CSMD3: variants seen among roughly 807,000 people sequenced by gnomAD.
CSMD3 encodes the protein CUB and Sushi multiple domains 3, also known as CUB and sushi domain-containing protein 3.
Under a neutral mutation model 435.2 loss-of-function variants are expected in CSMD3, and 177 were observed. That is an observed-to-expected ratio of 0.41 (90% CI 0.36 to 0.46). The LOEUF is 0.46. Among genes scored for constraint, CSMD3 ranks in the 20% least tolerant of loss-of-function variants. The pLI, the probability that CSMD3 is intolerant of heterozygous loss-of-function variation, is 0.34. For missense variants in CSMD3, 4,265 were observed against 4,504.6 expected (o/e 0.95, Z 1.52); for synonymous variants, 1,656 against 1,520.5 (o/e 1.09, Z -2.07).
intron 13 of CSMD3, among the ~76,000 whole-genome samples, chr8:112,702,110 C>A (rs1428508147): frequency 1.3e-5 from 2 of 152,096 alleles, no homozygotes; most frequent in Non-Finnish European, 2.9e-5. Flanking sequence ...TCCCAAGTGT[C>A]TAAACACTTA....
At chr8:113,131,834 CA>C (rs1444037185) in intron 4 of CSMD3, among the ~76,000 whole-genome samples, 1 of 152,210 alleles carries the variant, frequency 6.6e-6, no homozygotes, top group Non-Finnish European at 1.5e-5. Context: ...TGAAGAGCCA[CA>C]GGGGCAGAAC....
rs2129844709 is a variant in CSMD3 at position 112,396,872 on chromosome 8, G to A, written c.5810-6084C>T. Reference sequence around the variant, plus strand: ...GGGTGGCAGAAAATTATTTTAGATAGGATGGCCAAGAAAAATAGGAGACTT... The same window carrying A: ...GGGTGGCAGAAAATTATTTTAGATAAGATGGCCAAGAAAAATAGGAGACTT... On this transcript the variant is annotated intron_variant, in intron 35 of 70. Coordinates refer to ENST00000297405, the MANE Select transcript of CSMD3 (RefSeq NM_198123.2). 1.3e-5 allele frequency among the ~76,000 whole-genome samples: 2 copies of A among 152,226 alleles called. 1 individual carries two copies. Among genetic ancestry groups the A allele is most frequent in the South Asian group, 4.1e-4 (2 of 4,826 alleles).
intron 3 of CSMD3, among the ~76,000 whole-genome samples, chr8:113,180,203 G>C (rs1257166523): frequency 2.6e-5 from 4 of 151,902 alleles, no homozygotes; most frequent in African/African-American, 9.7e-5. Flanking sequence ...ATAACATCAA[G>C]CTGAAACAAA....
At chr8:112,693,069 G>T (rs1021463692) in intron 13 of CSMD3, among the ~76,000 whole-genome samples, 4 of 151,874 alleles carry the variant, frequency 2.6e-5, no homozygotes, top group Non-Finnish European at 4.4e-5. Flanking sequence ...AACAAGGGGG[G>T]ACTACTGTAT....
chr8:112,558,097 G>A (rs1402161818), intron 24 of CSMD3, among the ~76,000 whole-genome samples: 1 of 151,816 alleles, frequency 6.6e-6, no homozygotes, highest in African/African-American at 2.4e-5. Flanking sequence ...CATGCTGAGT[G>A]CTTTGAATGA....
intron 10 of CSMD3, among the ~76,000 whole-genome samples, chr8:112,883,518 T>G (rs764756634): frequency 7.2e-5 from 11 of 151,996 alleles, no homozygotes; most frequent in Non-Finnish European, 1.3e-4. Flanking sequence ...TACCAACTTA[T>G]TAATTTTATT....
intron 11 of CSMD3, among the ~76,000 whole-genome samples, chr8:112,836,462 C>G (rs2080027039): frequency 6.6e-6 from 1 of 151,800 alleles, no homozygotes; most frequent in African/African-American, 2.4e-5. Flanking sequence ...ACTCTATGCC[C>G]CATTCCATTT....
chr8:112,815,996 C>T (rs778159685), intron 12 of CSMD3, among the ~76,000 whole-genome samples: 9 of 152,056 alleles, frequency 5.9e-5, no homozygotes, highest in Admixed American at 1.3e-4. Context: ...GATGAGAAAA[C>T]TGCTCCCATC....
intron 23 of CSMD3, 85 bp downstream of exon 23, chr8:112,586,981 T>C: frequency 1.1e-6 from 1 of 880,222 alleles, no homozygotes. Context: ...CATACACATA[T>C]ATATATAGAT....
intron 13 of CSMD3, among the ~76,000 whole-genome samples, chr8:112,770,686 T>C (rs1486037105): frequency 6.6e-6 from 1 of 152,004 alleles, no homozygotes; most frequent in Non-Finnish European, 1.5e-5. Flanking sequence ...AGGATCATAA[T>C]GAAAACTAAA....
At chr8:112,965,764 T>C (rs2084393854) in intron 7 of CSMD3, among the ~76,000 whole-genome samples, 1 of 151,938 alleles carries the variant, frequency 6.6e-6, no homozygotes, top group Non-Finnish European at 1.5e-5. Flanking sequence ...TTATTTTTTC[T>C]CTTCTTTCTT....
chr8:112,248,984 C>T lies in CSMD3; in HGVS notation c.10111-1853G>A, dbSNP rs564497819. Among the ~76,000 whole-genome samples the T allele has an allele frequency of 1.8e-4, 27 of 152,180 alleles. No individual in the cohort carries two copies. The East Asian group carries it at 1.9e-3, about 11-fold the overall frequency. On this transcript the variant is annotated intron_variant, in intron 63 of 70. Coordinates refer to ENST00000297405, the MANE Select transcript of CSMD3 (RefSeq NM_198123.2). The stretch of plus-strand genomic sequence containing the variant: ...GTCCCCTGACTTGTGCTCCAGAGCA[C>T]GCCTTTCACATTCTTTCTGAAGTTG...
intron 59 of CSMD3, among the ~76,000 whole-genome samples, chr8:112,277,275 T>C (rs1030463479): frequency 5.3e-5 from 8 of 152,162 alleles, no homozygotes; most frequent in South Asian, 2.1e-4. Context: ...TTCCACCAGA[T>C]ACCGTAAATC....
intron 45 of CSMD3, among the ~76,000 whole-genome samples, chr8:112,331,492 G>A (rs1824057619): frequency 6.6e-6 from 1 of 151,826 alleles, no homozygotes; most frequent in Non-Finnish European, 1.5e-5. Flanking sequence ...GCTTTACGAA[G>A]GTGATGTTTT....
intron 1 of CSMD3, among the ~76,000 whole-genome samples, chr8:113,399,860 T>A (rs989497412): frequency 1.3e-5 from 2 of 151,932 alleles, no homozygotes; most frequent in African/African-American, 4.8e-5. Flanking sequence ...GGATTCATAT[T>A]TTAGATACAA....
At chr8:112,621,175 C>A (rs1489766784) in intron 22 of CSMD3, among the ~76,000 whole-genome samples, 1 of 151,854 alleles carries the variant, frequency 6.6e-6, no homozygotes, top group African/African-American at 2.4e-5. Context: ...GTGGAGGTTG[C>A]GGTGAGCTGA....
Position 112,304,848 on chromosome 8 carries a change from G to C in CSMD3, c.8139C>G (p.Ser2713=), listed in dbSNP as rs748905609. 1 of 1,613,832 alleles carries C rather than the reference G, an allele frequency of 6.2e-7. No homozygotes were observed. The highest frequency in any genetic ancestry group is 1.1e-5 in the South Asian group (1 of 91,074). The change falls in exon 52 of 71, where the codon TCC becomes TCG. Residue 2713 remains serine (S), a synonymous_variant. Transcript: ENST00000297405. ...EHGRWRIVNG[S]HYEYKTKVVF... Reference sequence around the variant, plus strand: ...CTACTTTGGTTTTGTATTCATAATGGGAGCCATTCACAATTCGCCATCTTC... The same window carrying C: ...CTACTTTGGTTTTGTATTCATAATGCGAGCCATTCACAATTCGCCATCTTC...
chr8:112,793,135 TTAATA>T (rs995885705), intron 13 of CSMD3, among the ~76,000 whole-genome samples: 1 of 147,710 alleles, frequency 6.8e-6, no homozygotes, highest in Non-Finnish European at 1.5e-5. Flanking sequence ...ATATATTAAT[TTAATA>T]TATTACATAT....
chr8:113,383,731 T>C lies in CSMD3; in HGVS notation c.178+52946A>G, dbSNP rs567901782. On this transcript the variant is annotated intron_variant, in intron 1 of 70. Transcript: ENST00000297405. ...TATTTATTACAGTTCAGCAAGCTTC[T>C]CGAAATTAAATTGTTTGCACCACAG... 4.6e-5 allele frequency among the ~76,000 whole-genome samples: 7 copies of C among 152,334 alleles called. No individual in the cohort carries two copies. In the East Asian group the frequency reaches 1.2e-3, roughly 25 times the overall value.
Sources: allele counts gnomAD v4.1 joint callset (sites outside exome capture counted in the v4.1 genomes callset), GRCh38; gene constraint gnomAD v4.1.1; transcripts MANE v1.5; gene names NCBI Gene and HGNC (gene_info 2026-07-23, HGNC 2026-07-21).